The following NSD3 variants were observed in gnomAD, a reference collection of about 807,000 sequenced individuals.
NSD3 encodes nuclear receptor binding SET domain protein 3.
A neutral mutation model predicts 160.8 loss-of-function variants in NSD3; 24 were observed. That is an observed-to-expected ratio of 0.15 (90% CI 0.11 to 0.21). The LOEUF (loss-of-function observed/expected upper bound fraction) is 0.21, where lower values mean the gene tolerates loss of function less well. Among genes scored for constraint, NSD3 ranks in the 10% least tolerant of loss-of-function variants. The pLI is 1.00. For missense variants in NSD3, 1,157 were observed against 1,735.9 expected, an observed-to-expected ratio of 0.67 and a Z score of 5.93; for synonymous variants, 520 against 600.0, an observed-to-expected ratio of 0.87 and a Z score of 1.95.
intron 12 of NSD3, among the ~76,000 whole-genome samples, chr8:38,306,842 C>T (rs568837193): frequency 1.6e-4 from 25 of 152,152 alleles, no homozygotes; most frequent in Admixed American, 1.4e-3. Flanking sequence ...CGGCCAGGCG[C>T]GGTGGCTCAT....
intron 1 of NSD3, among the ~76,000 whole-genome samples, chr8:38,355,236 C>G (rs942655386): frequency 1.3e-5 from 2 of 152,050 alleles, no homozygotes; most frequent in African/African-American, 2.4e-5. Flanking sequence ...GTTTCCTTAG[C>G]CAGAAATTGT....
Position 38,318,293 on chromosome 8 carries a change from G to A in NSD3, c.1855+602C>T, listed in dbSNP as rs1809716267. 1.3e-5 allele frequency among the ~76,000 whole-genome samples: 2 copies of A among 152,180 alleles called. No homozygotes were observed. Among genetic ancestry groups the A allele is most frequent in the South Asian group, 4.1e-4 (2 of 4,826 alleles). On this transcript the variant is annotated intron_variant, in intron 9 of 23. Coordinates refer to ENST00000317025, the MANE Select transcript of NSD3 (RefSeq NM_023034.2). The surrounding 1 kb of genome is among the most constrained non-coding windows in gnomAD (Gnocchi z 5.3). The stretch of plus-strand genomic sequence containing the variant: ...AATACAGTTTGATCTCACCAAAAAC[G>A]CACGAATCATGCTATGGAGTTTGTA...
At chr8:38,349,696 T>TA (rs57895941) in intron 1 of NSD3, among the ~76,000 whole-genome samples, 31 of 143,482 alleles carry the variant, frequency 2.2e-4, no homozygotes, top group Non-Finnish European at 2.4e-4. Flanking sequence ...TATATATGTA[T>TA]TTATTATACT....
At chr8:38,381,751 CACACACACACACACACACACACAT>C (rs1811579264) in intron 1 of NSD3, 24 bp downstream of exon 1, 1 of 76,646 alleles carries the variant, frequency 1.3e-5, no homozygotes, top group East Asian at 4.2e-4. Context: ...CGCGCGCACA[CACACACACACACACACACACACAT>C]ACACACACGC....
intron 1 of NSD3, among the ~76,000 whole-genome samples, chr8:38,373,619 G>GT (rs1811311540): frequency 6.6e-6 from 1 of 152,030 alleles, no homozygotes; most frequent in Non-Finnish European, 1.5e-5. Flanking sequence ...GCCACTAGGA[G>GT]TATCTCCATA....
Position 38,379,207 on chromosome 8 carries a change from A to T in NSD3, c.-45+2592T>A, listed in dbSNP as rs1042283556. 9.9e-5 allele frequency among the ~76,000 whole-genome samples: 15 copies of T among 152,224 alleles called. No individual in the cohort carries two copies. In the East Asian group the frequency reaches 1.5e-3, roughly 16 times the overall value. ...AGAGTAGGCTTCTTCGTATATGAAT[A>T]CCTGTCCAAGGAACCAGGATACTTA... On this transcript the variant is annotated intron_variant, in intron 1 of 23. Transcript: ENST00000317025.
At chr8:38,308,383 T>C (rs1809456050) in intron 12 of NSD3, among the ~76,000 whole-genome samples, 1 of 152,156 alleles carries the variant, frequency 6.6e-6, no homozygotes, top group Non-Finnish European at 1.5e-5. Flanking sequence ...AAAGTACATT[T>C]TACCATGTAT....
chr8:38,346,589 A>AC (rs1488333924), intron 2 of NSD3, among the ~76,000 whole-genome samples: 1 of 151,910 alleles, frequency 6.6e-6, no homozygotes, highest in East Asian at 1.9e-4. Flanking sequence ...AATAAATAAG[A>AC]AAACTATAAA....
chr8:38,372,607 C>A (rs1036440015), intron 1 of NSD3, among the ~76,000 whole-genome samples: 6 of 151,224 alleles, frequency 4.0e-5, no homozygotes, highest in African/African-American at 1.5e-4. Context: ...AGCGATTCTC[C>A]TGGCTCAGCC....
chr8:38,287,436 TA>T (rs759978547), intron 19 of NSD3, among the ~76,000 whole-genome samples: 15 of 152,192 alleles, frequency 9.9e-5, no homozygotes, highest in South Asian at 2.1e-4. Context: ...AGAAAACCCT[TA>T]AAAAATGTAT....
At position 38,319,793 on chromosome 8, in the gene NSD3, TAAAA is replaced by T. The variant is rs1037708553; in HGVS notation, c.1810-857_1810-854del. The T allele has an allele frequency of 1.3e-5, 2 of 152,068 alleles. No homozygotes were observed. The highest frequency in any genetic ancestry group is 4.8e-5 in the African/African-American group (2 of 41,386). 9.4% of individuals were successfully genotyped at this position (152,068 alleles called of 1,614,324 possible). On this transcript the variant is annotated intron_variant, in intron 8 of 23. Transcript: ENST00000317025. The surrounding 1 kb of genome is among the most constrained non-coding windows in gnomAD (Gnocchi z 4.1). The stretch of plus-strand genomic sequence containing the variant: ...AAAATTTTATTTTTTTTACAACAGG[TAAAA>T]AAACATACAACAGAAACGCTTTTAT...
chr8:38,273,519 G>C lies in NSD3; in HGVS notation c.*2122C>G, dbSNP rs977599422. ...ATAGTAAATAGCACTAAGTCTAAAA[G>C]CAAGGAGATAAGATTTCATGTTGGA... On this transcript the variant is annotated 3_prime_UTR_variant, in exon 24 of 24. Coordinates refer to ENST00000317025, the MANE Select transcript of NSD3 (RefSeq NM_023034.2). 1 of 152,128 alleles carries C rather than the reference G, an allele frequency of 6.6e-6. No homozygotes were observed. The highest frequency in any genetic ancestry group is 2.4e-5 in the African/African-American group (1 of 41,420). The allele number at this position is 152,128 out of a possible 1,614,324, so 9.4% of individuals were successfully genotyped here. A position where few individuals can be genotyped will look rare whatever the true frequency, so the allele number is the denominator to read the frequency against.
At chr8:38,324,203 T>C (rs1168213993) in intron 7 of NSD3, among the ~76,000 whole-genome samples, 4 of 152,234 alleles carry the variant, frequency 2.6e-5, no homozygotes, top group Non-Finnish European at 5.9e-5. Flanking sequence ...ATGATACAAG[T>C]TGCAAATGTA....
intron 14 of NSD3, among the ~76,000 whole-genome samples, chr8:38,302,408 G>C (rs979634708): frequency 6.6e-6 from 1 of 152,182 alleles, no homozygotes; most frequent in African/African-American, 2.4e-5. Flanking sequence ...TTTGTCAAAT[G>C]CTAGAAAATA....
In NSD3 at chr8:38,275,111, A is replaced by C. The variant is rs373125683; in HGVS notation, c.*530T>G. 2 of 233,010 alleles carry C rather than the reference A, an allele frequency of 8.6e-6. No individual in the cohort carries two copies. Among genetic ancestry groups the C allele is most frequent in the East Asian group, 1.2e-4 (2 of 16,420 alleles). 14.4% of individuals were successfully genotyped at this position (233,010 alleles called of 1,614,324 possible). ...TTTGAAGGGAAAGAGAAGTGAGCCT[A>C]CCTACTGCTCAGTAAAGAGGTATAT... is the stretch of plus-strand genomic sequence containing the variant. On this transcript the variant is annotated 3_prime_UTR_variant, in exon 24 of 24. Transcript: ENST00000317025.
At chr8:38,360,686 T>C (rs933678779) in intron 1 of NSD3, among the ~76,000 whole-genome samples, 1 of 152,214 alleles carries the variant, frequency 6.6e-6, no homozygotes, top group Non-Finnish European at 1.5e-5. Flanking sequence ...GTACTTTCCA[T>C]GGTAGCCTTT....
rs1247802564 is a variant in NSD3, at chr8:38,275,808, G to T, written c.4147C>A (p.His1383Asn). Residue 1383 changes from histidine (H) to asparagine (N), a missense_variant, in exon 24 of 24, where the codon CAT (histidine) becomes AAT (asparagine). His to Asn is a moderately conservative substitution (Grantham distance 68). Transcript: ENST00000317025. ...AAVSFCEFCP[H>N]SFCKDHEKGA... Reference sequence around the variant, plus strand: ...TTTTCATGATCTTTACAAAATGAATGTGGACAGAATTCACAGAAGGAAACA... The same window carrying T: ...TTTTCATGATCTTTACAAAATGAATTTGGACAGAATTCACAGAAGGAAACA... The T allele has an allele frequency of 6.2e-7, 1 of 1,614,156 alleles. No individual in the cohort carries two copies.
At chr8:38,285,738 A>G (rs988944052) in intron 19 of NSD3, among the ~76,000 whole-genome samples, 2 of 152,214 alleles carry the variant, frequency 1.3e-5, no homozygotes, top group African/African-American at 4.8e-5. Context: ...GCATTATACA[A>G]TGACATTTTA....
rs755788185 is a variant in NSD3 at position 38,329,938 on chromosome 8, G to T, written c.1066-45C>A. The stretch of plus-strand genomic sequence containing the variant: ...TATCAGACATGCTTTACTCTAATAG[G>T]TACATTAAAATTGATATGTATTTCC... On this transcript the variant is annotated intron_variant, in intron 5 of 23. Coordinates refer to ENST00000317025, the MANE Select transcript of NSD3 (RefSeq NM_023034.2). The surrounding 1 kb of genome is among the most constrained non-coding windows in gnomAD (Gnocchi z 4.8). 1.3e-6 allele frequency: 2 copies of T among 1,509,122 alleles called. No homozygotes were observed. Among genetic ancestry groups the T allele is most frequent in the Admixed American group, 4.4e-5 (2 of 45,078 alleles). 93.5% of individuals were successfully genotyped at this position (1,509,122 alleles called of 1,614,324 possible).
Sources: gnomAD v4.1 joint callset for allele counts (sites outside exome capture counted in the v4.1 genomes callset) on GRCh38, gnomAD v4.1.1 for gene constraint, Gnocchi (gnomAD v3.1) non-coding constraint, MANE v1.5 for transcripts, NCBI Gene and HGNC (gene_info 2026-07-23, HGNC 2026-07-21) for gene names.